Variants in ACVR1C observed in about 807,000 individuals in gnomAD.
The protein encoded by ACVR1C is activin receptor type-1C.
Under a neutral mutation model 57.9 loss-of-function variants are expected in ACVR1C, and 23 were observed. The observed-to-expected ratio is 0.40, with a 90% CI of 0.29 to 0.56. The LOEUF (loss-of-function observed/expected upper bound fraction) is 0.56, where lower values mean the gene tolerates loss of function less well. ACVR1C is among the 20% of genes least tolerant of loss of function. The pLI is 0.50. For missense variants in ACVR1C, 480 were observed against 607.9 expected, an observed-to-expected ratio of 0.79 and a Z score of 2.21; for synonymous variants, 214 against 215.3, an observed-to-expected ratio of 0.99 and a Z score of 0.05.
intron 3 of ACVR1C, among the ~76,000 whole-genome samples, chr2:157,552,387 C>A (rs1327749063): frequency 6.6e-6 from 1 of 152,236 alleles, no homozygotes; most frequent in African/African-American, 2.4e-5. Context: ...CCTGCCTCGG[C>A]CTCCCAAAGT....
At chr2:157,624,421 C>T (rs1375239901) in intron 1 of ACVR1C, among the ~76,000 whole-genome samples, 2 of 152,166 alleles carry the variant, frequency 1.3e-5, no homozygotes, top group Admixed American at 1.3e-4. Flanking sequence ...AAAGCATTTC[C>T]CCAAAAGAGA....
At chr2:157,540,448 C>A (rs1223049157) in intron 7 of ACVR1C, among the ~76,000 whole-genome samples, 1 of 151,924 alleles carries the variant, frequency 6.6e-6, no homozygotes, top group East Asian at 1.9e-4. Flanking sequence ...AGCCACCATG[C>A]CCGGCATGCC....
At chr2:157,534,488 G>C (rs112742219) in intron 8 of ACVR1C, among the ~76,000 whole-genome samples, 9 of 152,170 alleles carry the variant, frequency 5.9e-5, no homozygotes, top group African/African-American at 2.2e-4. Flanking sequence ...AAACATCAAG[G>C]GATATGGGAA....
intron 1 of ACVR1C, among the ~76,000 whole-genome samples, chr2:157,627,798 A>C (rs1682929102): frequency 6.6e-6 from 1 of 152,244 alleles, no homozygotes; most frequent in Non-Finnish European, 1.5e-5. Context: ...TTTCGAGGTA[A>C]AGGGCTTTTA....
intron 1 of ACVR1C, among the ~76,000 whole-genome samples, chr2:157,614,271 G>A (rs929530058): frequency 6.6e-6 from 1 of 152,098 alleles, no homozygotes; most frequent in African/African-American, 2.4e-5. Context: ...TAGCTAAGGT[G>A]AACCACTTTG....
intron 1 of ACVR1C, among the ~76,000 whole-genome samples, chr2:157,600,363 C>T (rs1368541326): frequency 2.6e-5 from 4 of 152,136 alleles, no homozygotes; most frequent in South Asian, 2.1e-4. Flanking sequence ...AAAAAATTAA[C>T]GACAAAAAAC....
At chr2:157,540,448 C>G (rs1223049157) in intron 7 of ACVR1C, among the ~76,000 whole-genome samples, 1 of 151,924 alleles carries the variant, frequency 6.6e-6, no homozygotes, top group African/African-American at 2.4e-5. Context: ...AGCCACCATG[C>G]CCGGCATGCC....
Position 157,554,209 on chromosome 2 carries a change from A to AAGAAAGAAAGAAAGAG in ACVR1C, c.544+1883_544+1884insCTCTTTCTTTCTTTCT, listed in dbSNP as rs1558974825. Among the ~76,000 whole-genome samples the AAGAAAGAAAGAAAGAG allele has an allele frequency of 1.5e-4, 13 of 88,048 alleles. No individual in the cohort carries two copies. The South Asian group carries it at 1.7e-3, about 12-fold the overall frequency. 57.8% of individuals were successfully genotyped at this position (88,048 alleles called of 152,430 possible). ...AAAAAAAATAAAGAAGAGAGAAAGA[A>AAGAAAGAAAGAAAGAG]AGAAAGAAAGAAAGAAAGAAAGAAA... On this transcript the variant is annotated intron_variant, in intron 3 of 8. Coordinates refer to ENST00000243349, the MANE Select transcript of ACVR1C (RefSeq NM_145259.3).
Position 157,565,136 on chromosome 2 carries a change from TA to T in ACVR1C, c.305-8805del, listed in dbSNP as rs199614456. Among the ~76,000 whole-genome samples the T allele has an allele frequency of 7.4e-4, 111 of 150,630 alleles. 1 individual carries two copies. Among genetic ancestry groups the T allele is most frequent in the Non-Finnish European group, 1.2e-3 (78 of 67,532 alleles). On this transcript the variant is annotated intron_variant, in intron 2 of 8. Coordinates refer to ENST00000243349, the MANE Select transcript of ACVR1C (RefSeq NM_145259.3). ...ATTTAAAGTAAAATTCTTTTAAAAATAAAAAAAAAGAGTGGGGGAGGAGGGA... is the reference window on the plus strand; with the variant it reads ...ATTTAAAGTAAAATTCTTTTAAAAATAAAAAAAAGAGTGGGGGAGGAGGGA...
At chr2:157,566,599 T>C (rs573432597) in intron 2 of ACVR1C, among the ~76,000 whole-genome samples, 73 of 152,088 alleles carry the variant, frequency 4.8e-4, no homozygotes, top group African/African-American at 1.5e-3. Flanking sequence ...AAAGGGGTGA[T>C]GGACGCACCT....
chr2:157,532,351 T>C lies in ACVR1C; in HGVS notation c.*1567A>G, dbSNP rs948825299. 2.0e-5 allele frequency: 3 copies of C among 151,446 alleles called. No homozygotes were observed. The highest frequency in any genetic ancestry group is 2.9e-5 in the Non-Finnish European group (2 of 67,836). The allele number at this position is 151,446 out of a possible 1,614,324, so 9.4% of individuals were successfully genotyped here. On this transcript the variant is annotated 3_prime_UTR_variant, in exon 9 of 9. Coordinates refer to ENST00000243349, the MANE Select transcript of ACVR1C (RefSeq NM_145259.3). ...CAATCCAGTTTAAAAAAAAATCAAG[T>C]AGCATTTCTTTACTGTTATTAGTTT... is the stretch of plus-strand genomic sequence containing the variant.
chr2:157,588,783 T>C (rs1688987563), intron 1 of ACVR1C, among the ~76,000 whole-genome samples: 1 of 149,030 alleles, frequency 6.7e-6, no homozygotes, highest in Non-Finnish European at 1.5e-5. Context: ...TTCTTTTTTA[T>C]GGCTGAGTTG....
At position 157,628,773 on chromosome 2, in the gene ACVR1C, G is replaced by A. The variant is rs1473599387; in HGVS notation, c.-129C>T. On this transcript the variant is annotated 5_prime_UTR_variant, in exon 1 of 9. Transcript: ENST00000243349. ...CGGCACCGACACCCTTTTGAAGTGC[G>A]CGGTTGGCTCTAGTCAGTGTGGGCG... 8.9e-6 allele frequency: 7 copies of A among 788,444 alleles called. No individual in the cohort carries two copies. Among genetic ancestry groups the A allele is most frequent in the Middle Eastern group, 3.8e-4 (1 of 2,606 alleles). The allele number at this position is 788,444 out of a possible 1,614,324, so 48.8% of individuals were successfully genotyped here. A position where few individuals can be genotyped will look rare whatever the true frequency, so the allele number is the denominator to read the frequency against.
chr2:157,587,148 T>C (rs780738437), intron 2 of ACVR1C, 39 bp downstream of exon 2: 1 of 1,517,460 alleles, frequency 6.6e-7, no homozygotes, highest in Admixed American at 1.7e-5. Context: ...TTCCCAAGAG[T>C]AAAATTAAAT....
chr2:157,556,468 G>T, intron 2 of ACVR1C, 136 bp from the exon 3 acceptor site: 6 of 1,139,286 alleles, frequency 5.3e-6, no homozygotes, highest in Non-Finnish European at 6.2e-6. Context: ...ATTGGTAAAG[G>T]CTCTCTGTGG....
At position 157,573,973 on chromosome 2, in the gene ACVR1C, T is replaced by C. The variant is rs185159222; in HGVS notation, c.304+13214A>G. On this transcript the variant is annotated intron_variant, in intron 2 of 8. Coordinates refer to ENST00000243349, the MANE Select transcript of ACVR1C (RefSeq NM_145259.3). ...ATAGTGGGAACTCTAGGCCAGTGGA[T>C]ATAAGCACAATACATCATGAATGAA... Among the ~76,000 whole-genome samples the C allele has an allele frequency of 3.2e-3, 480 of 152,282 alleles. 2 individuals carry two copies. Among genetic ancestry groups the C allele is most frequent in the Non-Finnish European group, 5.1e-3 (346 of 68,010 alleles).
intron 5 of ACVR1C, among the ~76,000 whole-genome samples, chr2:157,544,106 G>A (rs1352940383): frequency 4.2e-5 from 6 of 141,326 alleles, no homozygotes; most frequent in Admixed American, 1.5e-4. Context: ...TGGTGCAATC[G>A]TAACTCACTG....
chr2:157,542,633 C>T (rs1687648669), intron 6 of ACVR1C, 73 bp downstream of exon 6: 1 of 1,497,100 alleles, frequency 6.7e-7, no homozygotes, highest in African/African-American at 1.4e-5. Context: ...GAGCCTCCTC[C>T]ACACACATGA....
intron 1 of ACVR1C, among the ~76,000 whole-genome samples, chr2:157,591,553 G>A (rs1689055133): frequency 6.6e-6 from 1 of 151,930 alleles, no homozygotes; most frequent in Non-Finnish European, 1.5e-5. Flanking sequence ...CTGCACTATG[G>A]TTATTCTTCA....
Sources: allele counts gnomAD v4.1 joint callset (sites outside exome capture counted in the v4.1 genomes callset), GRCh38; gene constraint gnomAD v4.1.1; transcripts MANE v1.5; gene names NCBI Gene and HGNC (gene_info 2026-07-23, HGNC 2026-07-21).